The following LAMA3 variants were observed in gnomAD, a reference collection of about 807,000 sequenced individuals.
LAMA3 encodes the protein laminin subunit alpha 3, also known as laminin subunit alpha-3.
In LAMA3, 281 loss-of-function variants were observed where a neutral mutation model predicts 402.0. The observed-to-expected ratio is 0.70, with a 90% confidence interval of 0.63 to 0.77. LAMA3 has a LOEUF of 0.77. Ranked by LOEUF, LAMA3 falls within the 30% of genes least tolerant of loss-of-function variation. The pLI is 0.00. For missense variants in LAMA3, 3,840 were observed against 4,215.5 expected, an observed-to-expected ratio of 0.91 and a Z score of 2.47; for synonymous variants, 1,431 against 1,558.4, an observed-to-expected ratio of 0.92 and a Z score of 1.93.
At chr18:23,700,259 G>A (rs980063188) in intron 1 of LAMA3, among the ~76,000 whole-genome samples, 3 of 151,940 alleles carry the variant, frequency 2.0e-5, no homozygotes, top group Non-Finnish European at 2.9e-5. Flanking sequence ...TTTCTTGCAC[G>A]AGATCCAAGA....
chr18:23,814,563 C>T, intron 15 of LAMA3, 61 bp downstream of exon 15: 1 of 1,077,224 alleles, frequency 9.3e-7, no homozygotes. Flanking sequence ...TTCTCTGCCT[C>T]AGTGACTAAA....
At chr18:23,832,400 CTG>C (rs2063505752) in intron 23 of LAMA3, among the ~76,000 whole-genome samples, 1 of 152,170 alleles carries the variant, frequency 6.6e-6, no homozygotes, top group African/African-American at 2.4e-5. Context: ...AAAAAAATCA[CTG>C]TGGAAAATAG....
intron 12 of LAMA3, among the ~76,000 whole-genome samples, chr18:23,791,568 C>T (rs1234027684): frequency 1.3e-5 from 2 of 151,792 alleles, no homozygotes; most frequent in African/African-American, 4.8e-5. Context: ...CCTGTCTCTA[C>T]TAAAAAAATA....
In LAMA3 at chr18:23,858,648, T is replaced by C. The variant is rs757199998; in HGVS notation, c.4282-41T>C. 126 of 1,612,562 alleles carry C rather than the reference T, an allele frequency of 7.8e-5. 2 individuals are homozygous for C. The South Asian group carries it at 1.4e-3, about 18-fold the overall frequency. On this transcript the variant is annotated intron_variant, in intron 33 of 74. Transcript: ENST00000313654. ...GTAGCTAATTGCAACTAGGGAAATTTTGGAACACGTGATCTCTTATTTCAT... is the reference window on the plus strand; with the variant it reads ...GTAGCTAATTGCAACTAGGGAAATTCTGGAACACGTGATCTCTTATTTCAT...
At chr18:23,752,014 T>C (rs768894503) in intron 5 of LAMA3, among the ~76,000 whole-genome samples, 8 of 151,818 alleles carry the variant, frequency 5.3e-5, no homozygotes, top group Non-Finnish European at 1.0e-4. Flanking sequence ...CCTTATAGAG[T>C]TTGGCTTTTT....
At chr18:23,944,166 AC>A (rs2082626861) in intron 69 of LAMA3, among the ~76,000 whole-genome samples, 195 bp downstream of exon 69, 1 of 152,256 alleles carries the variant, frequency 6.6e-6, no homozygotes, top group Non-Finnish European at 1.5e-5. Flanking sequence ...GTCATCCTAG[AC>A]AGTAAAGTCA....
At chr18:23,935,988 C>T (rs2082302775) in intron 67 of LAMA3, among the ~76,000 whole-genome samples, 1 of 151,906 alleles carries the variant, frequency 6.6e-6, no homozygotes, top group Non-Finnish European at 1.5e-5. Context: ...GGCTGGGACT[C>T]ACGGGTGCAA....
intron 60 of LAMA3, among the ~76,000 whole-genome samples, chr18:23,920,643 T>C (rs2081799777): frequency 6.6e-6 from 1 of 152,230 alleles, no homozygotes. Context: ...ATCTTTTCGG[T>C]CTCCATCTTT....
rs935766570 is a variant in LAMA3, at chr18:23,716,134, A to G, written c.447+2062A>G. ...AGCATTCATTCAGTAGCTTCTGACAATACTAACCAAGAATTACCTACCATA... is the reference window on the plus strand; with the variant it reads ...AGCATTCATTCAGTAGCTTCTGACAGTACTAACCAAGAATTACCTACCATA... On this transcript the variant is annotated intron_variant, in intron 2 of 74. Coordinates refer to ENST00000313654, the MANE Select transcript of LAMA3 (RefSeq NM_198129.4). Among the ~76,000 whole-genome samples, 3 of 152,226 alleles carry G rather than the reference A, an allele frequency of 2.0e-5. No individual in the cohort carries two copies. The South Asian group carries it at 6.2e-4, about 32-fold the overall frequency.
In LAMA3 at chr18:23,954,947, A is replaced by G. The variant is rs1158494961; in HGVS notation, c.*299A>G. 1.4e-5 allele frequency: 5 copies of G among 365,954 alleles called. No individual in the cohort carries two copies. Among genetic ancestry groups the G allele is most frequent in the Non-Finnish European group, 2.5e-5 (5 of 197,894 alleles). The allele number at this position is 365,954 out of a possible 1,614,324, so 22.7% of individuals were successfully genotyped here. A position where few individuals can be genotyped will look rare whatever the true frequency, so the allele number is the denominator to read the frequency against. The stretch of plus-strand genomic sequence containing the variant: ...AAAAATTAAATGTCTTTTAAGAAAC[A>G]TTCTTTTCCACTTGTTAAAAAAATT... On this transcript the variant is annotated 3_prime_UTR_variant, in exon 75 of 75. Transcript: ENST00000313654.
intron 9 of LAMA3, 47 bp from the exon 10 acceptor site, chr18:23,775,745 T>C: frequency 6.2e-7 from 1 of 1,611,840 alleles, no homozygotes; most frequent in Non-Finnish European, 8.5e-7. Flanking sequence ...TTTGCTTTGT[T>C]AAGTGCAGTG....
At position 23,689,694 on chromosome 18, in the gene LAMA3, C is replaced by T. The variant is rs1372314794; in HGVS notation, c.11C>T (p.Ala4Val). 17 of 1,320,358 alleles carry T rather than the reference C, an allele frequency of 1.3e-5. No homozygotes were observed. Among genetic ancestry groups the T allele is most frequent in the South Asian group, 1.1e-4 (5 of 45,772 alleles). The allele number at this position is 1,320,358 out of a possible 1,614,324, so 81.8% of individuals were successfully genotyped here. The change falls in exon 1 of 75, where the codon GCC becomes GTC. Residue 4 changes from alanine (A) to valine (V), a missense_variant. Ala to Val is a moderately conservative substitution (Grantham distance 64). Transcript: ENST00000313654. MAA[A>V]ARPRGRALGP... Reference sequence around the variant, plus strand: ...ACCCCGCGCGGCTGGATGGCGGCGGCCGCGCGGCCTCGGGGTCGGGCACTG... The same window carrying T: ...ACCCCGCGCGGCTGGATGGCGGCGGTCGCGCGGCCTCGGGGTCGGGCACTG...
At chr18:23,889,606 G>T (rs948481887) in intron 41 of LAMA3, among the ~76,000 whole-genome samples, 11 of 140,130 alleles carry the variant, frequency 7.8e-5, no homozygotes, top group Non-Finnish European at 1.5e-4. Flanking sequence ...AAGAAAGAAA[G>T]AAAAAGGAAA....
intron 30 of LAMA3, 61 bp from the exon 31 acceptor site, chr18:23,846,236 T>G: frequency 6.5e-7 from 1 of 1,533,396 alleles, no homozygotes; most frequent in South Asian, 1.1e-5. Flanking sequence ...AAAGGCAAGG[T>G]TGAGGCCACT....
At chr18:23,772,741 T>C (rs1363621587) in intron 8 of LAMA3, among the ~76,000 whole-genome samples, 1 of 152,258 alleles carries the variant, frequency 6.6e-6, no homozygotes. Context: ...GTTTTTGTTC[T>C]TGTTAACTTC....
Position 23,797,698 on chromosome 18 carries a change from G to A in LAMA3, c.1604-12668G>A, listed in dbSNP as rs1366784539. ...CCACTGCACTTCAGCCTGGGCAACAGAGCGAGACTCCGTCTCAAAAAAAAA... is the reference window on the plus strand; with the variant it reads ...CCACTGCACTTCAGCCTGGGCAACAAAGCGAGACTCCGTCTCAAAAAAAAA... On this transcript the variant is annotated intron_variant, in intron 12 of 74. Coordinates refer to ENST00000313654, the MANE Select transcript of LAMA3 (RefSeq NM_198129.4). Among the ~76,000 whole-genome samples, 4 of 151,346 alleles carry A rather than the reference G, an allele frequency of 2.6e-5. No homozygotes were observed. The East Asian group carries it at 5.8e-4, about 22-fold the overall frequency.
intron 32 of LAMA3, among the ~76,000 whole-genome samples, chr18:23,852,783 T>A (rs1162758706): frequency 1.3e-5 from 2 of 152,354 alleles, no homozygotes; most frequent in East Asian, 3.9e-4. Context: ...ACCCTAACTT[T>A]TAGTACCTTT....
At position 23,768,071 on chromosome 18, in the gene LAMA3, C is replaced by T. The variant is rs113423934; in HGVS notation, c.1182+4548C>T. ...AAACACCATTCTGGACATTGGCCTT[C>T]GGAAATAATTTATGGCTAAGTTCTC... On this transcript the variant is annotated intron_variant, in intron 8 of 74. Coordinates refer to ENST00000313654, the MANE Select transcript of LAMA3 (RefSeq NM_198129.4). 4.8e-3 allele frequency among the ~76,000 whole-genome samples: 724 copies of T among 151,518 alleles called. 4 individuals carry two copies. The highest frequency in any genetic ancestry group is 0.017 in the African/African-American group (699 of 41,244).
At chr18:23,695,983 T>G (rs2145819720) in intron 1 of LAMA3, among the ~76,000 whole-genome samples, 1 of 152,074 alleles carries the variant, frequency 6.6e-6, no homozygotes, top group South Asian at 2.1e-4. Flanking sequence ...GCCCAGTGGT[T>G]GGATAATTCC....
Sources: allele counts gnomAD v4.1 joint callset (sites outside exome capture counted in the v4.1 genomes callset), GRCh38; gene constraint gnomAD v4.1.1; transcripts MANE v1.5; gene names NCBI Gene and HGNC (gene_info 2026-07-23, HGNC 2026-07-21).